The following SQOR variants were observed in gnomAD, a reference collection of about 807,000 sequenced individuals.
The protein encoded by SQOR is sulfide:quinone oxidoreductase, mitochondrial.
A neutral mutation model predicts 48.6 loss-of-function variants in SQOR; 39 were observed. That is an observed-to-expected ratio of 0.80 (90% CI 0.62 to 1.05). The LOEUF is 1.05. Ranked by LOEUF, SQOR falls within the 50% of genes least tolerant of loss-of-function variation. SQOR has a pLI of 0.00. For missense variants in SQOR, 561 were observed against 559.9 expected (o/e 1.00, Z -0.02); for synonymous variants, 220 against 206.2 (o/e 1.07, Z -0.57).
rs771027524 is a variant in SQOR, at chr15:45,658,384, A to G, written c.-17-523A>G. On this transcript the variant is annotated intron_variant, in intron 1 of 9. Coordinates refer to ENST00000260324, the MANE Select transcript of SQOR (RefSeq NM_021199.4). ...CTTGATTGCCCTGGTGGGTACTCTG[A>G]GTTGCAGAAGGTGGGTTTCTTGCTA... 3.3e-5 allele frequency among the ~76,000 whole-genome samples: 5 copies of G among 152,292 alleles called. No homozygotes were observed. The East Asian group carries it at 9.7e-4, about 29-fold the overall frequency.
At chr15:45,651,890 CTTCTTT>C in intron 1 of SQOR, among the ~76,000 whole-genome samples, 1 of 152,118 alleles carries the variant, frequency 6.6e-6, no homozygotes, top group Non-Finnish European at 1.5e-5. Flanking sequence ...TCTTCTTCTT[CTTCTTT>C]CTTTTTTTTA....
rs948986250 is a variant in SQOR, at chr15:45,659,150, C to A, written c.227C>A (p.Pro76His). 6.5e-7 allele frequency: 1 copy of A among 1,529,746 alleles called. No homozygotes were observed. The highest frequency in any genetic ancestry group is 1.3e-5 in the South Asian group (1 of 79,876). The allele number at this position is 1,529,746 out of a possible 1,614,324, so 94.8% of individuals were successfully genotyped here. A position where few individuals can be genotyped will look rare whatever the true frequency, so the allele number is the denominator to read the frequency against. ...GCAGAGAATGTGGCCATTGTTGAGC[C>A]CAGTGAGGTAAGCCTCCCCTTTTGA... Reference protein sequence around the residue: ...VGAENVAIVEPSERHFYQPIW... With the variant: ...VGAENVAIVEHSERHFYQPIW... Residue 76 changes from proline to histidine, a missense_variant, in exon 2 of 10, where the codon CCC (proline) becomes CAC (histidine). Transcript: ENST00000260324.
At chr15:45,680,536 C>T (rs1176096669) in intron 6 of SQOR, among the ~76,000 whole-genome samples, 2 of 152,258 alleles carry the variant, frequency 1.3e-5, no homozygotes, top group East Asian at 3.9e-4. Context: ...CTACCTCAAT[C>T]TCCTGAGGAG....
intron 7 of SQOR, 42 bp from the exon 8 acceptor site, chr15:45,688,295 C>A (rs756691067): frequency 4.9e-6 from 7 of 1,439,886 alleles, no homozygotes; most frequent in Non-Finnish European, 6.7e-6. Context: ...CATGGAAAAC[C>A]TTGATGCTTA....
rs776170946 is a variant in SQOR, at chr15:45,659,107, A to G, written c.184A>G (p.Met62Val). The part of the protein sequence containing the change: ...GSGGITMAAR[M>V]KRKVGAENVA... ...TGGCGGAATCACCATGGCTGCCCGC[A>G]TGAAGAGGAAAGTGGGTGCAGAGAA... Residue 62 changes from methionine (M) to valine (V), a missense_variant, in exon 2 of 10, where the codon ATG becomes GTG. Transcript: ENST00000260324. The G allele has an allele frequency of 2.2e-5, 35 of 1,579,594 alleles. No individual in the cohort carries two copies. In the Admixed American group the frequency reaches 5.9e-4, roughly 26 times the overall value.
intron 7 of SQOR, among the ~76,000 whole-genome samples, chr15:45,687,190 C>G (rs1890240525): frequency 6.6e-6 from 1 of 151,860 alleles, no homozygotes; most frequent in African/African-American, 2.4e-5. Context: ...GCAGTGGTGC[C>G]ATCTCGGCTT....
chr15:45,685,850 T>G (rs570341545), intron 7 of SQOR, among the ~76,000 whole-genome samples: 1 of 152,106 alleles, frequency 6.6e-6, no homozygotes, highest in South Asian at 2.1e-4. Flanking sequence ...TTTTTTTTTG[T>G]TTTTTAGAGA....
At chr15:45,675,086 C>T (rs1890012964) in intron 5 of SQOR, among the ~76,000 whole-genome samples, 1 of 152,156 alleles carries the variant, frequency 6.6e-6, no homozygotes, top group South Asian at 2.1e-4. Context: ...AGGGCTGGCA[C>T]AGCCTTTTGA....
chr15:45,676,283 CA>C lies in SQOR; in HGVS notation c.840del (p.Lys280AsnfsTer7), dbSNP rs1358408876. On this transcript the variant is annotated frameshift_variant, in exon 6 of 10. Coordinates refer to ENST00000260324, the MANE Select transcript of SQOR (RefSeq NM_021199.4). LOFTEE classifies it high-confidence loss of function. ...AAGAGGCTGTATTTGAGAACCTGGA[CA>C]AACCAGGAGAGACCCAAGTGATTTC... ...KQEAVFENLD[K>X]PGETQVISYE... is the part of the protein sequence containing the mutation. The C allele has an allele frequency of 1.2e-6, 2 of 1,614,046 alleles. No individual in the cohort carries two copies. The highest frequency in any genetic ancestry group is 2.7e-5 in the African/African-American group (2 of 75,020).
chr15:45,659,029 GC>G lies in SQOR; in HGVS notation c.108del (p.Ser37AlafsTer26). Reference protein sequence around the residue: ...QVGPLQLHTGASHAARNHYEV... With the variant: ...QVGPLQLHTGXSHAARNHYEV... ...CGGCCCCCTTCAGCTGCACACCGGG[GC>G]CAGCCATGCGGCCAGGAACCATTAT... is the stretch of plus-strand genomic sequence containing the variant. On this transcript the variant is annotated frameshift_variant, in exon 2 of 10. Transcript: ENST00000260324. LOFTEE classifies it high-confidence loss of function. 6.2e-7 allele frequency: 1 copy of G among 1,601,636 alleles called. No homozygotes were observed. Among genetic ancestry groups the G allele is most frequent in the Non-Finnish European group, 8.5e-7 (1 of 1,174,442 alleles).
At chr15:45,653,230 C>T (rs1028754764) in intron 1 of SQOR, among the ~76,000 whole-genome samples, 1 of 151,914 alleles carries the variant, frequency 6.6e-6, no homozygotes, top group Non-Finnish European at 1.5e-5. Context: ...TCCCACAAGA[C>T]TGCCCTCACT....
At chr15:45,651,052 A>C (rs529812865) in intron 1 of SQOR, among the ~76,000 whole-genome samples, 43 of 152,158 alleles carry the variant, frequency 2.8e-4, no homozygotes, top group African/African-American at 9.4e-4. Context: ...ACAGGGCATC[A>C]CAGAGCAGGG....
chr15:45,682,678 C>T lies in SQOR; in HGVS notation c.1048+17C>T, dbSNP rs2140961390. 1.2e-6 allele frequency: 2 copies of T among 1,610,360 alleles called. No homozygotes were observed. The highest frequency in any genetic ancestry group is 1.7e-6 in the Non-Finnish European group (2 of 1,177,142). The stretch of plus-strand genomic sequence containing the variant: ...CTGCAGTAGGTAAGTCAACCAGCTC[C>T]ATTTCTCCCTTTCTCAAAAATATGT... On this transcript the variant is annotated intron_variant, in intron 7 of 9. Coordinates refer to ENST00000260324, the MANE Select transcript of SQOR (RefSeq NM_021199.4).
chr15:45,680,437 G>A (rs1890107231), intron 6 of SQOR, among the ~76,000 whole-genome samples: 2 of 151,122 alleles, frequency 1.3e-5, no homozygotes, highest in African/African-American at 4.9e-5. Flanking sequence ...TTGGAGGCAG[G>A]ATCTTGCTCT....
intron 8 of SQOR, among the ~76,000 whole-genome samples, chr15:45,688,751 G>A (rs1232335965): frequency 6.6e-6 from 1 of 152,096 alleles, no homozygotes; most frequent in Non-Finnish European, 1.5e-5. Context: ...GACCTCAGAT[G>A]ATCCACCCGC....
chr15:45,686,152 A>AATATAT (rs61545631), intron 7 of SQOR, among the ~76,000 whole-genome samples: 214 of 150,100 alleles, frequency 1.4e-3, no homozygotes, highest in East Asian at 3.7e-3. Context: ...GGCCTCATTT[A>AATATAT]ATATATATAT....
intron 1 of SQOR, among the ~76,000 whole-genome samples, chr15:45,654,115 C>CA (rs60006729): frequency 0.065 from 7,011 of 107,640 alleles, 242 homozygotes; most frequent in African/African-American, 0.11. Context: ...GAGTGAGACT[C>CA]AAAAAAAAAA....
intron 1 of SQOR, among the ~76,000 whole-genome samples, chr15:45,652,777 G>A (rs1889519803): frequency 6.7e-6 from 1 of 149,558 alleles, no homozygotes; most frequent in African/African-American, 2.5e-5. Context: ...TTCAAGACCA[G>A]TCTGGCCAAC....
At chr15:45,662,516 A>G (rs1889738792) in intron 3 of SQOR, among the ~76,000 whole-genome samples, 1 of 152,150 alleles carries the variant, frequency 6.6e-6, no homozygotes, top group African/African-American at 2.4e-5. Context: ...CTCCCAGAAC[A>G]ATAGGATGCT....
Sources: gnomAD v4.1 joint callset for allele counts (sites outside exome capture counted in the v4.1 genomes callset) on GRCh38, gnomAD v4.1.1 for gene constraint, MANE v1.5 for transcripts, NCBI Gene and HGNC (gene_info 2026-07-23, HGNC 2026-07-21) for gene names.